ZNF385B: variants seen among roughly 807,000 people sequenced by gnomAD.
ZNF385B encodes zinc finger protein 385B, also known as zinc finger protein 533.
In ZNF385B, 23 loss-of-function variants were observed where a neutral mutation model predicts 39.2. The ratio of observed to expected loss-of-function variants is 0.59; its 90% confidence interval spans 0.42 to 0.83. ZNF385B has a LOEUF of 0.83. ZNF385B is among the 40% of genes least tolerant of loss of function. The probability of loss-of-function intolerance (pLI) is 0.00; values close to 1 mark genes in which losing one functional copy is unlikely to be tolerated. For missense variants in ZNF385B, 552 were observed against 598.9 expected, an observed-to-expected ratio of 0.92 and a Z score of 0.82; for synonymous variants, 205 against 222.6, an observed-to-expected ratio of 0.92 and a Z score of 0.70.
chr2:179,781,207 T>A (rs1427296740), intron 1 of ZNF385B, among the ~76,000 whole-genome samples: 2 of 152,072 alleles, frequency 1.3e-5, no homozygotes, highest in Non-Finnish European at 2.9e-5. Context: ...TGAAGAACAA[T>A]GAAGATGCAG....
chr2:179,785,639 T>A (rs1704951061), intron 1 of ZNF385B, among the ~76,000 whole-genome samples: 1 of 152,094 alleles, frequency 6.6e-6, no homozygotes, highest in Non-Finnish European at 1.5e-5. Context: ...ACTGCAGGCG[T>A]GACGGAAATA....
At chr2:179,589,894 T>G (rs1026961401) in intron 3 of ZNF385B, among the ~76,000 whole-genome samples, 16 of 152,240 alleles carry the variant, frequency 1.1e-4, no homozygotes, top group African/African-American at 3.6e-4. Context: ...GATCTGCTAA[T>G]TTTTCTTTTG....
At chr2:179,753,454 G>A (rs77920819) in intron 3 of ZNF385B, among the ~76,000 whole-genome samples, 1 of 152,152 alleles carries the variant, frequency 6.6e-6, no homozygotes, top group East Asian at 1.9e-4. Context: ...CTTTAAAGTA[G>A]TTTTTTCCAA....
chr2:179,665,165 C>A (rs1400120164), intron 3 of ZNF385B, among the ~76,000 whole-genome samples: 4 of 152,154 alleles, frequency 2.6e-5, no homozygotes, highest in Admixed American at 6.5e-5. Flanking sequence ...ACGGGAGGCT[C>A]ACACTGATCA....
intron 1 of ZNF385B, among the ~76,000 whole-genome samples, chr2:179,791,685 C>T (rs1169412954): frequency 2.6e-5 from 4 of 152,084 alleles, no homozygotes; most frequent in Non-Finnish European, 5.9e-5. Context: ...GAAGCGGAAA[C>T]AAAAAGAAAA....
chr2:179,671,440 A>G (rs1289589127), intron 3 of ZNF385B, among the ~76,000 whole-genome samples: 1 of 152,208 alleles, frequency 6.6e-6, no homozygotes, highest in Non-Finnish European at 1.5e-5. Context: ...AACCTATTAT[A>G]TTGAAAAGCA....
At chr2:179,627,581 G>A (rs1038528219) in intron 3 of ZNF385B, among the ~76,000 whole-genome samples, 4 of 152,146 alleles carry the variant, frequency 2.6e-5, no homozygotes, top group Non-Finnish European at 5.9e-5. Flanking sequence ...GATGTGGGCT[G>A]GAGCTGGCTG....
At chr2:179,447,033 T>C (rs974555267) in intron 6 of ZNF385B, among the ~76,000 whole-genome samples, 1 of 152,150 alleles carries the variant, frequency 6.6e-6, no homozygotes, top group African/African-American at 2.4e-5. Flanking sequence ...CAGGTAACTT[T>C]CTGTCTGAAA....
chr2:179,531,363 G>A (rs560591242), intron 4 of ZNF385B, among the ~76,000 whole-genome samples: 21 of 152,246 alleles, frequency 1.4e-4, no homozygotes, highest in African/African-American at 5.1e-4. Context: ...TCTGGGTGCA[G>A]TAGGGCTCAT....
intron 3 of ZNF385B, among the ~76,000 whole-genome samples, chr2:179,614,022 T>C (rs192886446): frequency 5.9e-5 from 9 of 152,262 alleles, no homozygotes; most frequent in Admixed American, 5.2e-4. Flanking sequence ...CAAAGTCCTA[T>C]ATCACTATGG....
intron 3 of ZNF385B, 68 bp from the exon 4 acceptor site, chr2:179,545,037 T>C (rs1466392695): frequency 1.9e-6 from 3 of 1,602,964 alleles, no homozygotes; most frequent in Admixed American, 1.7e-5. Flanking sequence ...AAACCTACAG[T>C]GCAAGAACAA....
At chr2:179,807,338 C>G (rs951178976) in intron 1 of ZNF385B, among the ~76,000 whole-genome samples, 3 of 152,178 alleles carry the variant, frequency 2.0e-5, no homozygotes, top group Non-Finnish European at 4.4e-5. Flanking sequence ...TGGCTCACAT[C>G]TATAATCCCA....
chr2:179,640,944 A>G (rs1692210934), intron 3 of ZNF385B, among the ~76,000 whole-genome samples: 1 of 152,188 alleles, frequency 6.6e-6, no homozygotes, highest in Non-Finnish European at 1.5e-5. Context: ...TTTCAAAGTT[A>G]TGAATGTACT....
At chr2:179,786,648 C>T (rs1705022933) in intron 1 of ZNF385B, among the ~76,000 whole-genome samples, 1 of 151,802 alleles carries the variant, frequency 6.6e-6, no homozygotes, top group South Asian at 2.1e-4. Context: ...AAAACCACTT[C>T]ATCTTCCCTG....
At chr2:179,671,649 G>A (rs1251330381) in intron 3 of ZNF385B, among the ~76,000 whole-genome samples, 3 of 152,288 alleles carry the variant, frequency 2.0e-5, no homozygotes, top group South Asian at 2.1e-4. Flanking sequence ...CAATTTCAAC[G>A]AAGGGGCTAC....
chr2:179,813,841 T>C (rs1023412097), intron 1 of ZNF385B, among the ~76,000 whole-genome samples: 1 of 152,142 alleles, frequency 6.6e-6, no homozygotes, highest in African/African-American at 2.4e-5. Flanking sequence ...ACAGTATACA[T>C]CCTTTGACTC....
At chr2:179,829,901 T>C (rs994300006) in intron 1 of ZNF385B, among the ~76,000 whole-genome samples, 1 of 152,232 alleles carries the variant, frequency 6.6e-6, no homozygotes, top group Non-Finnish European at 1.5e-5. Context: ...TTTAAAACTT[T>C]GGCTCTGAGA....
chr2:179,822,667 G>A (rs184324303), intron 1 of ZNF385B, among the ~76,000 whole-genome samples: 1 of 152,028 alleles, frequency 6.6e-6, no homozygotes, highest in Non-Finnish European at 1.5e-5. Context: ...TTACCATTTG[G>A]GTATAGAGGT....
chr2:179,642,573 C>T (rs1004456830), intron 3 of ZNF385B, among the ~76,000 whole-genome samples: 12 of 152,024 alleles, frequency 7.9e-5, no homozygotes, highest in East Asian at 3.9e-4. Context: ...TGAAGGGTTC[C>T]GAGACACCTT....
Sources: allele counts gnomAD v4.1 joint callset (sites outside exome capture counted in the v4.1 genomes callset), GRCh38; gene constraint gnomAD v4.1.1; transcripts MANE v1.5; gene names NCBI Gene and HGNC (gene_info 2026-07-23, HGNC 2026-07-21).